The following CREB5 variants were observed in gnomAD, a reference collection of about 807,000 sequenced individuals.
The protein encoded by CREB5 is cAMP responsive element binding protein 5, also known as cyclic AMP-responsive element-binding protein 5.
CREB5 carries 19 observed loss-of-function variants against 57.1 expected under a neutral mutation model. That is an observed-to-expected ratio of 0.33 (90% CI 0.23 to 0.49). The LOEUF (loss-of-function observed/expected upper bound fraction) is 0.49, where lower values mean the gene tolerates loss of function less well. CREB5 is among the 20% of genes least tolerant of loss of function. The probability of loss-of-function intolerance (pLI) is 0.99; values close to 1 mark genes in which losing one functional copy is unlikely to be tolerated. For missense variants in CREB5, 579 were observed against 671.6 expected (o/e 0.86, Z 1.52); for synonymous variants, 238 against 238.3 (o/e 1.00, Z 0.01).
intron 1 of CREB5, among the ~76,000 whole-genome samples, chr7:28,458,750 A>T (rs1369044222): frequency 1.3e-5 from 2 of 152,158 alleles, no homozygotes; most frequent in East Asian, 1.9e-4. Flanking sequence ...TAAAATATGG[A>T]TGTGATAGTA....
chr7:28,759,775 G>T (rs910954653), intron 7 of CREB5, among the ~76,000 whole-genome samples: 1 of 152,202 alleles, frequency 6.6e-6, no homozygotes, highest in Non-Finnish European at 1.5e-5. Flanking sequence ...TGCTGCCGCA[G>T]CTCTGGGCAG....
At chr7:28,381,702 A>C (rs1022240070) in intron 1 of CREB5, among the ~76,000 whole-genome samples, 2 of 152,180 alleles carry the variant, frequency 1.3e-5, no homozygotes, top group African/African-American at 4.8e-5. Context: ...CCCTGATAAA[A>C]TTGGAATTTT....
chr7:28,588,423 C>T (rs185488620), intron 5 of CREB5, among the ~76,000 whole-genome samples: 8 of 152,192 alleles, frequency 5.3e-5, no homozygotes, highest in Admixed American at 5.2e-4. Context: ...AGCATGTTAT[C>T]TAGTACGGAG....
intron 5 of CREB5, among the ~76,000 whole-genome samples, chr7:28,640,790 C>G (rs1468875598): frequency 1.3e-5 from 2 of 152,134 alleles, no homozygotes; most frequent in Admixed American, 1.3e-4. Context: ...CCTAGTTCCC[C>G]AGATCGAGAC....
intron 1 of CREB5, among the ~76,000 whole-genome samples, chr7:28,373,904 CATATAT>C (rs10585117): frequency 6.8e-6 from 1 of 146,196 alleles, no homozygotes; most frequent in Non-Finnish European, 1.5e-5. Flanking sequence ...TTTCTGCATC[CATATAT>C]ATATATATAT....
chr7:28,672,219 A>G (rs945872151), intron 5 of CREB5, among the ~76,000 whole-genome samples: 2 of 151,950 alleles, frequency 1.3e-5, no homozygotes, highest in African/African-American at 2.4e-5. Flanking sequence ...ACACACAAAC[A>G]CTGGACTAGG....
At chr7:28,644,399 A>G (rs367736044) in intron 5 of CREB5, among the ~76,000 whole-genome samples, 2 of 151,786 alleles carry the variant, frequency 1.3e-5, no homozygotes, top group East Asian at 3.9e-4. Flanking sequence ...TGGGAATTTC[A>G]GATTATTTTG....
chr7:28,581,652 A>C (rs1237701198), intron 5 of CREB5, among the ~76,000 whole-genome samples: 2 of 152,234 alleles, frequency 1.3e-5, no homozygotes, highest in Non-Finnish European at 2.9e-5. Flanking sequence ...AGGCTGAATC[A>C]GAAGAAAACA....
chr7:28,325,119 A>T (rs533326735), intron 1 of CREB5, among the ~76,000 whole-genome samples: 2 of 152,252 alleles, frequency 1.3e-5, no homozygotes, highest in East Asian at 3.9e-4. Context: ...ACACTTATAC[A>T]CTTATAGTCC....
chr7:28,603,428 T>C (rs310338), intron 5 of CREB5, among the ~76,000 whole-genome samples: 74,554 of 151,974 alleles, frequency 0.49, 18,989 homozygotes, highest in Middle Eastern at 0.56. Flanking sequence ...ACATTGAAAG[T>C]AAAATTGGGC....
intron 7 of CREB5, among the ~76,000 whole-genome samples, chr7:28,742,210 A>C (rs1804398622): frequency 6.6e-6 from 1 of 152,164 alleles, no homozygotes. Flanking sequence ...GAAGGATTAA[A>C]TCTACCCACT....
intron 5 of CREB5, among the ~76,000 whole-genome samples, chr7:28,645,771 T>A (rs939776138): frequency 6.6e-6 from 1 of 152,234 alleles, no homozygotes; most frequent in African/African-American, 2.4e-5. Context: ...GGCTGAGGGA[T>A]GCCCAGATAG....
intron 7 of CREB5, among the ~76,000 whole-genome samples, chr7:28,743,367 T>C (rs547458505): frequency 3.3e-4 from 50 of 152,218 alleles, no homozygotes. Context: ...ACCTCATCTC[T>C]ACAAAAAATA....
intron 1 of CREB5, among the ~76,000 whole-genome samples, chr7:28,422,220 G>A (rs1249011399): frequency 5.9e-5 from 9 of 152,118 alleles, no homozygotes; most frequent in Middle Eastern, 3.2e-3. Context: ...GTGCTTCGGG[G>A]AAAAACAGAG....
chr7:28,613,047 G>A (rs753787914), intron 5 of CREB5, among the ~76,000 whole-genome samples: 4 of 152,096 alleles, frequency 2.6e-5, no homozygotes, highest in African/African-American at 9.7e-5. Context: ...CTGATTGGAC[G>A]TCCACTGTAG....
intron 1 of CREB5, among the ~76,000 whole-genome samples, chr7:28,442,805 T>C (rs17717216): frequency 0.21 from 31,981 of 152,186 alleles, 4,387 homozygotes; most frequent in South Asian, 0.31. Flanking sequence ...GTATCACTCA[T>C]CATTGAGTCT....
intron 2 of CREB5, chr7:28,491,265 T>G: frequency 1.0e-6 from 1 of 985,030 alleles, no homozygotes; most frequent in Non-Finnish European, 1.2e-6. Flanking sequence ...ACAGAAGGGG[T>G]GAGCATGCTG....
chr7:28,636,445 C>T (rs1583457155), intron 5 of CREB5, among the ~76,000 whole-genome samples: 1 of 152,132 alleles, frequency 6.6e-6, no homozygotes, highest in South Asian at 2.1e-4. Context: ...TACTGCATCC[C>T]CTGCCTCCCT....
At chr7:28,487,292 T>G (rs1311290980) in intron 1 of CREB5, among the ~76,000 whole-genome samples, 1 of 152,102 alleles carries the variant, frequency 6.6e-6, no homozygotes, top group Non-Finnish European at 1.5e-5. Flanking sequence ...CAGATTAGAT[T>G]ACATTATCGA....
Sources: gnomAD v4.1 joint callset for allele counts (sites outside exome capture counted in the v4.1 genomes callset) on GRCh38, gnomAD v4.1.1 for gene constraint, MANE v1.5 for transcripts, NCBI Gene and HGNC (gene_info 2026-07-23, HGNC 2026-07-21) for gene names.